Variants in CDH13 observed in about 807,000 individuals in gnomAD.
CDH13 encodes the protein cadherin 13.
In CDH13, 24 loss-of-function variants were observed where a neutral mutation model predicts 63.8. The observed-to-expected ratio is 0.38, with a 90% CI of 0.27 to 0.53. The LOEUF is 0.53. Among genes scored for constraint, CDH13 ranks in the 20% least tolerant of loss-of-function variants. CDH13 has a pLI of 0.85. For missense variants in CDH13, 1,049 were observed against 903.1 expected (o/e 1.16, Z -2.07); for synonymous variants, 503 against 355.3 (o/e 1.42, Z -4.67).
At chr16:83,605,011 T>G (rs1283346753) in intron 8 of CDH13, among the ~76,000 whole-genome samples, 1 of 152,252 alleles carries the variant, frequency 6.6e-6, no homozygotes, top group Non-Finnish European at 1.5e-5. Flanking sequence ...CATATTGATT[T>G]CAAAATATCA....
intron 7 of CDH13, among the ~76,000 whole-genome samples, chr16:83,513,972 A>G (rs760233926): frequency 6.6e-6 from 1 of 152,208 alleles, no homozygotes; most frequent in Admixed American, 6.5e-5. Context: ...TCTGTCCAAT[A>G]GAGACTGTCT....
chr16:83,010,966 G>C (rs934010592), intron 2 of CDH13, among the ~76,000 whole-genome samples: 1 of 152,174 alleles, frequency 6.6e-6, no homozygotes, highest in African/African-American at 2.4e-5. Flanking sequence ...AGAGCACTTA[G>C]TTCACACTTC....
Position 83,133,873 on chromosome 16 carries a change from A to G in CDH13, c.483+8372A>G, listed in dbSNP as rs76552111. 3.0e-4 allele frequency among the ~76,000 whole-genome samples: 46 copies of G among 152,314 alleles called. No individual in the cohort carries two copies. In the East Asian group the frequency reaches 3.1e-3, roughly 10 times the overall value. ...GGCACTTAACACATTTTGAGAGACA[A>G]TGTCCTTCCCTGCCTTCCCACTAAC... On this transcript the variant is annotated intron_variant, in intron 4 of 13. Transcript: ENST00000567109.
chr16:83,307,507 T>C (rs1487016614), intron 5 of CDH13, among the ~76,000 whole-genome samples: 1 of 152,144 alleles, frequency 6.6e-6, no homozygotes, highest in Non-Finnish European at 1.5e-5. Context: ...TCACCTCACA[T>C]TTTAAGGCAA....
chr16:83,156,863 T>G (rs2037228210), intron 4 of CDH13, among the ~76,000 whole-genome samples: 1 of 152,228 alleles, frequency 6.6e-6, no homozygotes, highest in South Asian at 2.1e-4. Flanking sequence ...CTCATCTCTC[T>G]GATCCGGAAG....
intron 2 of CDH13, among the ~76,000 whole-genome samples, chr16:82,952,582 A>G (rs1349662242): frequency 2.6e-5 from 4 of 152,218 alleles, no homozygotes; most frequent in Non-Finnish European, 5.9e-5. Context: ...ATATAATAAC[A>G]GTAGCTAATA....
chr16:82,669,824 G>A (rs1311075885), intron 1 of CDH13, among the ~76,000 whole-genome samples: 3 of 152,200 alleles, frequency 2.0e-5, no homozygotes, highest in Non-Finnish European at 2.9e-5. Context: ...GAAGACAAAT[G>A]TCCTGATCTC....
chr16:83,529,461 A>C (rs1393435684), intron 7 of CDH13, among the ~76,000 whole-genome samples: 1 of 152,242 alleles, frequency 6.6e-6, no homozygotes, highest in Non-Finnish European at 1.5e-5. Flanking sequence ...ACACTGTACT[A>C]CATCCATTCT....
chr16:82,861,123 C>T (rs912859259), intron 2 of CDH13, among the ~76,000 whole-genome samples: 3 of 152,108 alleles, frequency 2.0e-5, no homozygotes, highest in African/African-American at 7.2e-5. Context: ...GCATAGATTC[C>T]ATTTCCTGAA....
chr16:83,086,984 T>C (rs2033633200), intron 3 of CDH13, among the ~76,000 whole-genome samples: 1 of 152,178 alleles, frequency 6.6e-6, no homozygotes. Context: ...AAAAAAAGAC[T>C]TCCTGTCAAA....
chr16:83,123,570 C>T (rs1324775016), intron 3 of CDH13, among the ~76,000 whole-genome samples: 1 of 152,188 alleles, frequency 6.6e-6, no homozygotes, highest in East Asian at 1.9e-4. Context: ...TGAGCCACTG[C>T]ATCTGGCCCC....
chr16:82,898,195 T>A (rs1364437677), intron 2 of CDH13, among the ~76,000 whole-genome samples: 1 of 152,240 alleles, frequency 6.6e-6, no homozygotes, highest in Non-Finnish European at 1.5e-5. Context: ...TTCCACCCAT[T>A]TCTTTTTATA....
At chr16:83,784,797 A>G (rs891239842) in intron 13 of CDH13, among the ~76,000 whole-genome samples, 4 of 151,834 alleles carry the variant, frequency 2.6e-5, no homozygotes, top group Non-Finnish European at 4.4e-5. Context: ...CATCATCTCC[A>G]TGTCTCCTTC....
At chr16:82,817,745 C>T (rs765713737) in intron 1 of CDH13, among the ~76,000 whole-genome samples, 2 of 152,128 alleles carry the variant, frequency 1.3e-5, no homozygotes, top group Non-Finnish European at 2.9e-5. Context: ...GCAGAGGTTG[C>T]TGTAAGCCAC....
chr16:82,898,209 A>G (rs1028611223), intron 2 of CDH13, among the ~76,000 whole-genome samples: 1 of 152,236 alleles, frequency 6.6e-6, no homozygotes, highest in East Asian at 1.9e-4. Context: ...TTTTATAATT[A>G]TTAAGGTGAC....
chr16:83,289,776 T>C (rs2089420213), intron 5 of CDH13, among the ~76,000 whole-genome samples: 1 of 152,198 alleles, frequency 6.6e-6, no homozygotes, highest in Admixed American at 6.5e-5. Flanking sequence ...TCCTTTCTGA[T>C]CATATGTAAG....
chr16:83,344,918 G>C lies in CDH13; in HGVS notation c.693G>C (p.Leu231=), dbSNP rs1194629726. The part of the protein sequence containing the change: ...NGKTLEGPVP[L]EVIVIDQNDN... ...AAACTCTCGAGGGGCCGGTGCCTCT[G>C]GAAGTCATTGTGATTGATCAGAATG... The change falls in exon 6 of 14, where the codon CTG becomes CTC. Residue 231 remains leucine (L), a synonymous_variant. Transcript: ENST00000567109. The C allele has an allele frequency of 1.2e-6, 2 of 1,613,990 alleles. No individual in the cohort carries two copies. Among genetic ancestry groups the C allele is most frequent in the Admixed American group, 3.3e-5 (2 of 60,028 alleles).
intron 6 of CDH13, among the ~76,000 whole-genome samples, chr16:83,456,988 G>C (rs1350007003): frequency 6.6e-6 from 1 of 152,036 alleles, no homozygotes; most frequent in Non-Finnish European, 1.5e-5. Context: ...GATCCCCTAG[G>C]GCATGTCCCT....
At chr16:83,708,805 A>T (rs1400892016) in intron 10 of CDH13, among the ~76,000 whole-genome samples, 1 of 152,142 alleles carries the variant, frequency 6.6e-6, no homozygotes, top group Non-Finnish European at 1.5e-5. Context: ...TTGGTGGATC[A>T]CTTGAGGCCA....
Sources: allele counts gnomAD v4.1 joint callset (sites outside exome capture counted in the v4.1 genomes callset), GRCh38; gene constraint gnomAD v4.1.1; transcripts MANE v1.5; gene names NCBI Gene and HGNC (gene_info 2026-07-23, HGNC 2026-07-21).